The following PPP2R2C variants were observed in gnomAD, a reference collection of about 807,000 sequenced individuals.
PPP2R2C encodes the protein protein phosphatase 2, regulatory subunit B, gamma.
PPP2R2C carries 10 observed loss-of-function variants against 45.3 expected under a neutral mutation model. The ratio of observed to expected loss-of-function variants is 0.22; its 90% CI spans 0.14 to 0.37. PPP2R2C has a LOEUF of 0.37. Ranked by LOEUF, PPP2R2C falls within the 10% of genes least tolerant of loss-of-function variation. The pLI is 1.00. For synonymous variants in PPP2R2C, 257 were observed against 245.4 expected (o/e 1.05, Z -0.44); for missense variants, 308 against 619.7 (o/e 0.50, Z 5.34).
intron 5 of PPP2R2C, among the ~76,000 whole-genome samples, chr4:6,371,098 G>T (rs1029895809): frequency 1.3e-5 from 2 of 152,204 alleles, no homozygotes; most frequent in African/African-American, 4.8e-5. Context: ...CACCCCACAG[G>T]TCTATGAGGA....
chr4:6,512,715 A>G (rs1723707179), intron 2 of PPP2R2C, among the ~76,000 whole-genome samples: 1 of 151,490 alleles, frequency 6.6e-6, no homozygotes, highest in Non-Finnish European at 1.5e-5. Context: ...GAGTGTTGAT[A>G]ATTACAATGA....
At chr4:6,444,570 C>A (rs1720318525) in intron 1 of PPP2R2C, among the ~76,000 whole-genome samples, 1 of 152,166 alleles carries the variant, frequency 6.6e-6, no homozygotes, top group Admixed American at 6.5e-5. Context: ...TGATCAGACC[C>A]CTTATTTCCT....
chr4:6,527,708 C>A (rs937557172), intron 2 of PPP2R2C, among the ~76,000 whole-genome samples: 4 of 152,062 alleles, frequency 2.6e-5, no homozygotes, highest in Non-Finnish European at 4.4e-5. Flanking sequence ...TTTTCCAGGC[C>A]CGGTGCAAAA....
intron 1 of PPP2R2C, among the ~76,000 whole-genome samples, chr4:6,390,846 C>T (rs569433548): frequency 6.6e-6 from 1 of 152,282 alleles, no homozygotes; most frequent in African/African-American, 2.4e-5. Context: ...CACCTTATTA[C>T]TGAATTCCAC....
intron 2 of PPP2R2C, among the ~76,000 whole-genome samples, chr4:6,530,189 G>A (rs1342709626): frequency 3.3e-5 from 5 of 152,086 alleles, no homozygotes; most frequent in African/African-American, 9.7e-5. Context: ...CCGGGGTCCC[G>A]GGTTTGGGGT....
intron 2 of PPP2R2C, among the ~76,000 whole-genome samples, chr4:6,491,935 T>C (rs1722712106): frequency 6.6e-6 from 1 of 152,158 alleles, no homozygotes; most frequent in Non-Finnish European, 1.5e-5. Flanking sequence ...GGTAGTTCCT[T>C]ATAGCAATGC....
intron 1 of PPP2R2C, among the ~76,000 whole-genome samples, chr4:6,466,982 G>T (rs1250166943): frequency 2.0e-5 from 3 of 152,156 alleles, no homozygotes; most frequent in Non-Finnish European, 4.4e-5. Context: ...GAACTTCAGA[G>T]TCCACATGCC....
At chr4:6,451,453 G>A (rs948826539) in intron 1 of PPP2R2C, among the ~76,000 whole-genome samples, 6 of 152,146 alleles carry the variant, frequency 3.9e-5, no homozygotes, top group Non-Finnish European at 5.9e-5. Flanking sequence ...AACTCAATGT[G>A]CTTTCCCTTC....
At chr4:6,362,871 C>G (rs969071731) in intron 5 of PPP2R2C, among the ~76,000 whole-genome samples, 1 of 91,110 alleles carries the variant, frequency 1.1e-5, no homozygotes, top group African/African-American at 4.2e-5. Context: ...CTGGCACCCC[C>G]TTTCCCCTGC....
At chr4:6,501,496 C>T (rs902106334) in intron 2 of PPP2R2C, among the ~76,000 whole-genome samples, 4 of 152,208 alleles carry the variant, frequency 2.6e-5, no homozygotes, top group Admixed American at 1.3e-4. Flanking sequence ...CATGCCCCTT[C>T]GGAAATCCCC....
At chr4:6,354,219 G>A (rs972363896) in intron 5 of PPP2R2C, among the ~76,000 whole-genome samples, 1 of 151,688 alleles carries the variant, frequency 6.6e-6, no homozygotes, top group Non-Finnish European at 1.5e-5. Flanking sequence ...CTGCGTGTTG[G>A]CCTCTCCCAC....
chr4:6,425,929 T>G (rs1270449677), intron 1 of PPP2R2C, among the ~76,000 whole-genome samples: 1 of 152,000 alleles, frequency 6.6e-6, no homozygotes, highest in Non-Finnish European at 1.5e-5. Context: ...CATGTGCATG[T>G]GTGTTGCGGG....
intron 2 of PPP2R2C, among the ~76,000 whole-genome samples, chr4:6,479,119 G>T (rs111898900): frequency 4.6e-5 from 7 of 152,124 alleles, no homozygotes; most frequent in Non-Finnish European, 1.0e-4. Context: ...TGAACAAACC[G>T]CACCTTTCTC....
chr4:6,535,017 C>T (rs775030026), intron 2 of PPP2R2C, among the ~76,000 whole-genome samples: 2 of 152,150 alleles, frequency 1.3e-5, no homozygotes, highest in Non-Finnish European at 2.9e-5. Flanking sequence ...AAGGAGGTGG[C>T]GCATGAAGGG....
At chr4:6,516,661 G>C (rs779177207) in intron 2 of PPP2R2C, among the ~76,000 whole-genome samples, 18 of 152,208 alleles carry the variant, frequency 1.2e-4, no homozygotes, top group Non-Finnish European at 2.1e-4. Flanking sequence ...CCTGCAGCGA[G>C]TTTTTCATTT....
chr4:6,322,099 T>G lies in PPP2R2C; in HGVS notation c.*1203A>C, dbSNP rs545664511. On this transcript the variant is annotated 3_prime_UTR_variant, in exon 9 of 9. Transcript: ENST00000382599. This position sits in a 1 kb window ranked among gnomAD's most constrained non-coding sequence, Gnocchi z 7.8. ...CTGCGTCTCAGTTCTCCTGGACCCT[T>G]GTCGTCGCCAAGTCTGCCATGTCCT... The G allele has an allele frequency of 3.5e-5, 1 of 28,534 alleles. No individual in the cohort carries two copies. Among genetic ancestry groups the G allele is most frequent in the African/African-American group, 8.6e-5 (1 of 11,666 alleles). The allele number at this position is 28,534 out of a possible 1,614,324, so 1.8% of individuals were successfully genotyped here. A position where few individuals can be genotyped will look rare whatever the true frequency, so the allele number is the denominator to read the frequency against.
chr4:6,395,354 G>A lies in PPP2R2C; in HGVS notation c.71-14260C>T, dbSNP rs539594631. The stretch of plus-strand genomic sequence containing the variant: ...AGTGCCAGAGCTTATGCCAGGCAAC[G>A]GGAATTCAGAAACGGACCCCGCGGG... On this transcript the variant is annotated intron_variant, in intron 1 of 8. Transcript: ENST00000382599. 1.2e-4 allele frequency among the ~76,000 whole-genome samples: 19 copies of A among 152,290 alleles called. No individual in the cohort carries two copies. The East Asian group carries it at 1.4e-3, about 11-fold the overall frequency.
chr4:6,341,114 G>C (rs1449833048), intron 6 of PPP2R2C, among the ~76,000 whole-genome samples: 1 of 152,224 alleles, frequency 6.6e-6, no homozygotes, highest in Non-Finnish European at 1.5e-5. Context: ...GGCCGAAGTG[G>C]ACAGATCACC....
At chr4:6,490,225 G>A (rs1015421012) in intron 2 of PPP2R2C, among the ~76,000 whole-genome samples, 2 of 152,158 alleles carry the variant, frequency 1.3e-5, no homozygotes, top group African/African-American at 2.4e-5. Context: ...TTGTGGGCAG[G>A]TTCCTGGGAG....
Sources: gnomAD v4.1 joint callset for allele counts (sites outside exome capture counted in the v4.1 genomes callset) on GRCh38, gnomAD v4.1.1 for gene constraint, Gnocchi (gnomAD v3.1) non-coding constraint, MANE v1.5 for transcripts, NCBI Gene and HGNC (gene_info 2026-07-23, HGNC 2026-07-21) for gene names.